The following TAFA2 variants were observed in gnomAD, a reference collection of about 807,000 sequenced individuals.
TAFA2 encodes TAFA chemokine like family member 2.
TAFA2 carries 7 observed loss-of-function variants against 18.8 expected under a neutral mutation model. The ratio of observed to expected loss-of-function variants is 0.37; its 90% CI spans 0.21 to 0.70. The LOEUF is 0.70. TAFA2 is among the 30% of genes least tolerant of loss of function. TAFA2 has a pLI of 0.53. For synonymous variants in TAFA2, 60 were observed against 54.2 expected (o/e 1.11, Z -0.47); for missense variants, 122 against 158.1 (o/e 0.77, Z 1.23).
intron 2 of TAFA2, among the ~76,000 whole-genome samples, chr12:61,836,739 A>ATGTATATATATATG (rs1408943862): frequency 7.7e-6 from 1 of 130,366 alleles, no homozygotes; most frequent in Non-Finnish European, 1.7e-5. Flanking sequence ...TTTGATATAT[A>ATGTATATATATATG]TATATATATA....
chr12:61,852,344 T>C (rs981180431), intron 2 of TAFA2, among the ~76,000 whole-genome samples: 4 of 151,986 alleles, frequency 2.6e-5, no homozygotes, highest in African/African-American at 9.7e-5. Context: ...AAGAAAGGTG[T>C]CAGAGATGAT....
At chr12:62,124,255 T>C (rs547549319) in intron 1 of TAFA2, among the ~76,000 whole-genome samples, 1 of 151,876 alleles carries the variant, frequency 6.6e-6, no homozygotes, top group South Asian at 2.1e-4. Flanking sequence ...CAGATGAGTA[T>C]GACCAAAGGT....
At chr12:61,836,554 A>G (rs1178068357) in intron 2 of TAFA2, among the ~76,000 whole-genome samples, 3 of 151,722 alleles carry the variant, frequency 2.0e-5, no homozygotes, top group African/African-American at 7.2e-5. Context: ...GGGACTAACT[A>G]ATCACTGCTA....
intron 1 of TAFA2, among the ~76,000 whole-genome samples, chr12:61,991,716 C>G (rs1880017662): frequency 6.6e-6 from 1 of 152,090 alleles, no homozygotes. Context: ...TTTTTCTGTG[C>G]TTACTGTCTG....
intron 1 of TAFA2, among the ~76,000 whole-genome samples, chr12:62,085,680 A>G (rs980905758): frequency 2.0e-5 from 3 of 152,186 alleles, no homozygotes; most frequent in Admixed American, 6.5e-5. Context: ...TTGGAATTAT[A>G]GAATTCAAAA....
At chr12:61,901,890 T>G (rs549510726) in intron 1 of TAFA2, among the ~76,000 whole-genome samples, 7 of 152,266 alleles carry the variant, frequency 4.6e-5, no homozygotes, top group Admixed American at 1.3e-4. Context: ...TCTGTTTCTT[T>G]GAATATTTTC....
At chr12:62,209,288 T>C (rs1404350314) in intron 1 of TAFA2, among the ~76,000 whole-genome samples, 1 of 152,206 alleles carries the variant, frequency 6.6e-6, no homozygotes, top group Non-Finnish European at 1.5e-5. Context: ...TAAGTTCTCA[T>C]AAGATCTGAT....
intron 1 of TAFA2, among the ~76,000 whole-genome samples, chr12:61,949,813 G>A (rs1226933680): frequency 6.6e-6 from 1 of 152,078 alleles, no homozygotes; most frequent in Non-Finnish European, 1.5e-5. Context: ...GTCATTTTAA[G>A]TGTACAATTC....
intron 1 of TAFA2, among the ~76,000 whole-genome samples, chr12:61,872,704 C>T (rs1206752800): frequency 6.6e-6 from 1 of 152,132 alleles, no homozygotes; most frequent in African/African-American, 2.4e-5. Flanking sequence ...CCACTATCCC[C>T]TCTGCCAAGC....
intron 1 of TAFA2, among the ~76,000 whole-genome samples, chr12:62,229,412 G>C (rs7313840): frequency 2.7e-4 from 41 of 151,952 alleles, no homozygotes; most frequent in African/African-American, 8.9e-4. Flanking sequence ...CTTGTTGAGG[G>C]TTTTTATCAT....
chr12:61,890,546 G>A (rs1180331556), intron 1 of TAFA2: 1 of 152,224 alleles, frequency 6.6e-6, no homozygotes, highest in Non-Finnish European at 1.5e-5. Flanking sequence ...AAAAGCAAAT[G>A]CGCTGTTTTG....
At chr12:62,082,837 A>G (rs1868344153) in intron 1 of TAFA2, among the ~76,000 whole-genome samples, 1 of 152,218 alleles carries the variant, frequency 6.6e-6, no homozygotes, top group Admixed American at 6.5e-5. Context: ...AGAATAATTT[A>G]TGTCATTTAG....
At chr12:62,028,786 T>A (rs10506436) in intron 1 of TAFA2, among the ~76,000 whole-genome samples, 31,178 of 152,058 alleles carry the variant, frequency 0.21, 3,818 homozygotes, top group East Asian at 0.37. Flanking sequence ...AAAATCAACT[T>A]TATTAGTCAG....
chr12:61,851,362 G>T (rs1873635994), intron 2 of TAFA2, among the ~76,000 whole-genome samples: 1 of 152,190 alleles, frequency 6.6e-6, no homozygotes, highest in African/African-American at 2.4e-5. Flanking sequence ...AAGGGGCATA[G>T]TGCCTTCAAG....
At chr12:62,199,618 A>G (rs12828027) in intron 1 of TAFA2, among the ~76,000 whole-genome samples, 1 of 151,666 alleles carries the variant, frequency 6.6e-6, no homozygotes, top group Non-Finnish European at 1.5e-5. Flanking sequence ...ATGTATGTGT[A>G]TATATATATA....
intron 1 of TAFA2, among the ~76,000 whole-genome samples, chr12:62,256,023 C>T (rs906209662): frequency 7.9e-5 from 12 of 151,978 alleles, no homozygotes; most frequent in African/African-American, 2.7e-4. Context: ...AATCCCAGCA[C>T]TTTGGGAGGC....
chr12:61,953,902 A>G (rs1016868577), intron 1 of TAFA2, among the ~76,000 whole-genome samples: 1 of 152,240 alleles, frequency 6.6e-6, no homozygotes, highest in Non-Finnish European at 1.5e-5. Flanking sequence ...TGAAAAGCGT[A>G]TTAAGAAAGA....
chr12:61,860,580 G>A (rs1874084903), intron 2 of TAFA2, among the ~76,000 whole-genome samples: 1 of 152,064 alleles, frequency 6.6e-6, no homozygotes. Context: ...CAGGCTAACT[G>A]TGCATCACCA....
intron 1 of TAFA2, among the ~76,000 whole-genome samples, chr12:62,140,862 A>C (rs2136906919): frequency 6.6e-6 from 1 of 152,282 alleles, no homozygotes; most frequent in South Asian, 2.1e-4. Context: ...GCATCACATC[A>C]AAAAGTTAGC....
Sources: allele counts gnomAD v4.1 joint callset (sites outside exome capture counted in the v4.1 genomes callset), GRCh38; gene constraint gnomAD v4.1.1; transcripts MANE v1.5; gene names NCBI Gene and HGNC (gene_info 2026-07-23, HGNC 2026-07-21).